The following WDR90 variants were observed in gnomAD, a reference collection of about 807,000 sequenced individuals.
The protein encoded by WDR90 is WD repeat-containing protein 90.
WDR90 carries 238 observed loss-of-function variants against 195.2 expected under a neutral mutation model. The ratio of observed to expected loss-of-function variants is 1.22; its 90% CI spans 1.10 to 1.36. The LOEUF (loss-of-function observed/expected upper bound fraction) is 1.36, where lower values mean the gene tolerates loss of function less well. WDR90 is among the 40% of genes most tolerant of loss of function. WDR90 has a pLI of 0.00. For missense variants in WDR90, 2,734 were observed against 2,439.5 expected (o/e 1.12, Z -2.54); for synonymous variants, 1,265 against 1,052.4 (o/e 1.20, Z -3.91).
Position 659,016 on chromosome 16 carries a change from GT to G in WDR90, c.3011+6del. 1 of 1,613,220 alleles carries G rather than the reference GT, an allele frequency of 6.2e-7. No homozygotes were observed. The highest frequency in any genetic ancestry group is 8.5e-7 in the Non-Finnish European group (1 of 1,179,930). On this transcript the variant is annotated splice_donor_region_variant and intron_variant, in intron 24 of 40. Coordinates refer to ENST00000293879, the MANE Select transcript of WDR90 (RefSeq NM_145294.5). ...TGTCCTGGCCCCTACTGAGAGGCAA[GT>G]GCCTACTCTCAGCTGTGTCTGCCTA...
Position 658,170 on chromosome 16 carries a change from C to A in WDR90, c.2605-13C>A, listed in dbSNP as rs754352143. The A allele has an allele frequency of 3.1e-6, 5 of 1,603,722 alleles. No individual in the cohort carries two copies. Among genetic ancestry groups the A allele is most frequent in the Non-Finnish European group, 4.3e-6 (5 of 1,174,178 alleles). On this transcript the variant is annotated splice_polypyrimidine_tract_variant and intron_variant, in intron 21 of 40. Transcript: ENST00000293879. ...AGGGGCCCTGACTGTCGGCCACTTA[C>A]CACTACCCCCAGCTGCTGCGAGTTG...
At chr16:665,204 G>A (rs370444450) in intron 34 of WDR90, 9 of 312,494 alleles carry the variant, frequency 2.9e-5, no homozygotes, top group South Asian at 2.4e-4. Context: ...TGCATGGCGC[G>A]CTCGCTGCAA....
chr16:664,168 A>C (rs1276792624), intron 34 of WDR90, among the ~76,000 whole-genome samples: 2 of 98,726 alleles, frequency 2.0e-5, no homozygotes, highest in Non-Finnish European at 1.7e-5. Context: ...CATATTCAGC[A>C]GCTTTGGAAA....
chr16:662,957 C>A, intron 34 of WDR90, 113 bp downstream of exon 34: 1 of 1,463,100 alleles, frequency 6.8e-7, no homozygotes, highest in Non-Finnish European at 9.2e-7. Flanking sequence ...GTCACTGGCT[C>A]GCAGCGGCCG....
chr16:662,423 C>T lies in WDR90; in HGVS notation c.4145+92C>T, dbSNP rs376970459. 286 of 1,458,954 alleles carry T rather than the reference C, an allele frequency of 2.0e-4. 1 individual carries two copies. In the African/African-American group the frequency reaches 2.5e-3, roughly 13 times the overall value. 90.4% of individuals were successfully genotyped at this position (1,458,954 alleles called of 1,614,324 possible). A position where few individuals can be genotyped will look rare whatever the true frequency, so the allele number is the denominator to read the frequency against. On this transcript the variant is annotated intron_variant, in intron 33 of 40. Transcript: ENST00000293879. ...GCCAGTGCCCCGCCCCCGCAAAGGC[C>T]GCCCTGCAGACCGGCCGCCTGCTAG...
chr16:652,125 G>A, intron 9 of WDR90, 86 bp downstream of exon 9: 1 of 1,425,710 alleles, frequency 7.0e-7, no homozygotes. Flanking sequence ...ATTCAGAACG[G>A]ATGTGCCTCC....
chr16:662,117 C>T (rs2151329158), intron 32 of WDR90, 58 bp downstream of exon 32: 6 of 1,567,804 alleles, frequency 3.8e-6, no homozygotes, highest in Non-Finnish European at 5.2e-6. Context: ...ATCCTCAGAG[C>T]TGGGGCAGAG....
At position 654,738 on chromosome 16, in the gene WDR90, C is replaced by T. The variant is rs1256450452; in HGVS notation, c.1438-291C>T. On this transcript the variant is annotated intron_variant, in intron 13 of 40. Coordinates refer to ENST00000293879, the MANE Select transcript of WDR90 (RefSeq NM_145294.5). ...GTGCTGGGATCACAGGCATGAGCCA[C>T]TGTGCCCAGCCACGAGCTGCTTTTT... 1.1e-5 allele frequency: 5 copies of T among 448,850 alleles called. No individual in the cohort carries two copies. In the Admixed American group the frequency reaches 1.4e-4, roughly 13 times the overall value. 27.8% of individuals were successfully genotyped at this position (448,850 alleles called of 1,614,324 possible). A position where few individuals can be genotyped will look rare whatever the true frequency, so the allele number is the denominator to read the frequency against.
intron 33 of WDR90, 39 bp downstream of exon 33, chr16:662,370 G>A (rs1168357264): frequency 1.3e-6 from 2 of 1,540,170 alleles, no homozygotes; most frequent in Non-Finnish European, 1.7e-6. Context: ...CTGCACGTGG[G>A]TGTTGGTGTC....
At position 652,543 on chromosome 16, in the gene WDR90, T is replaced by C; in HGVS notation, c.1122+8T>C. ...GGCCACGGCACCAGACAGGTGAGGC[T>C]CCTGCGGCTGTGTCCAGAGCAGCTC... On this transcript the variant is annotated splice_region_variant and intron_variant, in intron 10 of 40. Transcript: ENST00000293879. 1 of 1,604,578 alleles carries C rather than the reference T, an allele frequency of 6.2e-7. No individual in the cohort carries two copies.
intron 9 of WDR90, 76 bp from the exon 10 acceptor site, chr16:652,391 C>T (rs570291916): frequency 1.0e-4 from 155 of 1,499,104 alleles, no homozygotes; most frequent in East Asian, 2.5e-4. Flanking sequence ...TAGGGGTTGG[C>T]GGGGCTCGGA....
At position 658,626 on chromosome 16, in the gene WDR90, C is replaced by T. The variant is rs376388798; in HGVS notation, c.2868C>T (p.Tyr956=). ...GCCGGACCATCAAGGTGTGGGACTACGCCACACAGGCCAGCCCAGGCCCCC... is the reference window on the plus strand; with the variant it reads ...GCCGGACCATCAAGGTGTGGGACTATGCCACACAGGCCAGCCCAGGCCCCC... The part of the protein sequence containing the change: ...AAGRTIKVWD[Y]ATQASPGPQV... The change falls in exon 23 of 41, where the codon TAC becomes TAT. Residue 956 remains tyrosine (Y), a synonymous_variant. Coordinates refer to ENST00000293879, the MANE Select transcript of WDR90 (RefSeq NM_145294.5). 130 of 1,612,448 alleles carry T rather than the reference C, an allele frequency of 8.1e-5. 1 individual carries two copies. The highest frequency in any genetic ancestry group is 8.0e-4 in the South Asian group (73 of 91,076).
In WDR90 at chr16:661,121, G is replaced by C. The variant is rs2037903030; in HGVS notation, c.3462G>C (p.Trp1154Cys). 1 of 1,562,718 alleles carries C rather than the reference G, an allele frequency of 6.4e-7. No homozygotes were observed. The highest frequency in any genetic ancestry group is 1.4e-5 in the African/African-American group (1 of 72,270). ...EDLHSGAQQH[W>C]SGHSAEISTL... ...TGCACTCTGGCGCCCAGCAGCACTG[G>C]TCCGGCCACTCTGCGGAGATCTCCA... is the stretch of plus-strand genomic sequence containing the variant. Residue 1154 changes from tryptophan (W) to cysteine (C), a missense_variant, in exon 29 of 41, where the codon TGG (tryptophan) becomes TGC (cysteine). Transcript: ENST00000293879.
chr16:662,742 C>T lies in WDR90; in HGVS notation c.4209C>T (p.Asp1403=), dbSNP rs752492798. Reference sequence around the variant, plus strand: ...CTGTGGTGAGTGCCAGCTTCGATGACAGCGTGGACATGGGCGTCGTGGGCA... The same window carrying T: ...CTGTGGTGAGTGCCAGCTTCGATGATAGCGTGGACATGGGCGTCGTGGGCA... ...DGAVVSASFD[D]SVDMGVVGTT... Residue 1403 remains aspartate (D), a synonymous_variant, in exon 34 of 41, where the codon GAC becomes GAT. Transcript: ENST00000293879. 23 of 1,601,224 alleles carry T rather than the reference C, an allele frequency of 1.4e-5. No individual in the cohort carries two copies. In the Admixed American group the frequency reaches 1.9e-4, roughly 13 times the overall value.
intron 27 of WDR90, 135 bp downstream of exon 27, chr16:660,296 G>T (rs1191929836): frequency 4.9e-6 from 4 of 820,848 alleles, no homozygotes; most frequent in African/African-American, 1.7e-5. Context: ...CCTGTCCCCT[G>T]GAGGCAACTT....
In WDR90 at chr16:661,623, C is replaced by A; in HGVS notation, c.3700C>A (p.Leu1234Met). ...GGACCACGATGGCCGCACCCTCGCCCTGTGGGGCACGGCCACCTATGACCT... is the reference window on the plus strand; with the variant it reads ...GGACCACGATGGCCGCACCCTCGCCATGTGGGGCACGGCCACCTATGACCT... ...LGDHDGRTLA[L>M]WGTATYDLVS... is the part of the protein sequence containing the mutation. The change falls in exon 31 of 41, where the codon CTG becomes ATG. Residue 1234 changes from leucine (L) to methionine (M), a missense_variant. By Grantham distance (15) the Leu-to-Met change is conservative (BLOSUM62 2). Transcript: ENST00000293879. 6.2e-7 allele frequency: 1 copy of A among 1,600,776 alleles called. No individual in the cohort carries two copies. The highest frequency in any genetic ancestry group is 8.5e-7 in the Non-Finnish European group (1 of 1,173,156).
rs576713875 is a variant in WDR90 at position 656,059 on chromosome 16, C to T, written c.1966+170C>T. On this transcript the variant is annotated intron_variant, in intron 17 of 40. Coordinates refer to ENST00000293879, the MANE Select transcript of WDR90 (RefSeq NM_145294.5). ...AGCCCTGGGGCGGCTGATGCCAGGG[C>T]GGCCCGCGGGGCAGCCTCACGGAAG... The T allele has an allele frequency of 6.7e-4, 588 of 882,500 alleles. No homozygotes were observed. In the African/African-American group the frequency reaches 8.2e-3, roughly 12 times the overall value. The allele number at this position is 882,500 out of a possible 1,614,324, so 54.7% of individuals were successfully genotyped here.
Position 651,983 on chromosome 16 carries a change from C to T in WDR90, c.997C>T (p.His333Tyr), listed in dbSNP as rs966281391. The change falls in exon 9 of 41, where the codon CAC becomes TAC. Residue 333 changes from histidine to tyrosine, a missense_variant. Physicochemically the swap from His to Tyr is moderately conservative, Grantham distance 83 (BLOSUM62 2). Transcript: ENST00000293879. ...CATCCACACGGCTGCTGCCGGCACC[C>T]ACGTGTTGACTCACGAGTCGGCTGA... is the stretch of plus-strand genomic sequence containing the variant. Reference protein sequence around the residue: ...SDIHTAAAGTHVLTHESAEVP... With the variant: ...SDIHTAAAGTYVLTHESAEVP... 1 of 1,606,654 alleles carries T rather than the reference C, an allele frequency of 6.2e-7. No individual in the cohort carries two copies. Among genetic ancestry groups the T allele is most frequent in the African/African-American group, 1.3e-5 (1 of 74,838 alleles).
Position 661,349 on chromosome 16 carries a change from C to A in WDR90, c.3521C>A (p.Ala1174Asp). 6.2e-7 allele frequency: 1 copy of A among 1,601,978 alleles called. No homozygotes were observed. The change falls in exon 30 of 41, where the codon GCC (alanine) becomes GAC (aspartate). Residue 1174 changes from alanine to aspartate, a missense_variant. Physicochemically the swap from Ala to Asp is moderately radical, Grantham distance 126. Coordinates refer to ENST00000293879, the MANE Select transcript of WDR90 (RefSeq NM_145294.5). Reference sequence around the variant, plus strand: ...TGGCCTCTTGCCTGCCAGGTCCTGGCCTCTGCCTCGGGCCGAAGCAGCACG... The same window carrying A: ...TGGCCTCTTGCCTGCCAGGTCCTGGACTCTGCCTCGGGCCGAAGCAGCACG... Reference protein sequence around the residue: ...LALSHSAQVLASASGRSSTTA... With the variant: ...LALSHSAQVLDSASGRSSTTA...
Sources: allele counts gnomAD v4.1 joint callset (sites outside exome capture counted in the v4.1 genomes callset), GRCh38; gene constraint gnomAD v4.1.1; transcripts MANE v1.5; gene names NCBI Gene and HGNC (gene_info 2026-07-23, HGNC 2026-07-21).